ABCA12: variants seen among roughly 807,000 people sequenced by gnomAD.
The protein encoded by ABCA12 is ATP binding cassette subfamily A member 12.
A neutral mutation model predicts 293.5 loss-of-function variants in ABCA12; 156 were observed. The ratio of observed to expected loss-of-function variants is 0.53; its 90% CI spans 0.47 to 0.61. The LOEUF (loss-of-function observed/expected upper bound fraction) is 0.61. ABCA12 is among the 20% of genes least tolerant of loss of function. ABCA12 has a pLI of 0.00. For synonymous variants in ABCA12, 1,063 were observed against 1,108.0 expected (o/e 0.96, Z 0.81); for missense variants, 2,797 against 3,090.2 (o/e 0.91, Z 2.25).
intron 3 of ABCA12, among the ~76,000 whole-genome samples, chr2:215,060,475 C>A (rs1323306672): frequency 1.3e-5 from 2 of 151,920 alleles, no homozygotes; most frequent in Admixed American, 1.3e-4. Context: ...GTTTAAATTA[C>A]ATGTAATTAT....
rs1242587402 is a variant in ABCA12 at position 215,081,478 on chromosome 2, C to CA, written c.164-17260dup. Among the ~76,000 whole-genome samples the CA allele has an allele frequency of 1.9e-3, 33 of 17,444 alleles. 2 individuals are homozygous for CA. The highest frequency in any genetic ancestry group is 8.6e-3 in the East Asian group (3 of 350). 11.4% of individuals were successfully genotyped at this position (17,444 alleles called of 152,430 possible). A position where few individuals can be genotyped will look rare whatever the true frequency, so the allele number is the denominator to read the frequency against. On this transcript the variant is annotated intron_variant, in intron 2 of 52. Transcript: ENST00000272895. ...TGGGCAGCAAAGCAAGACTCTGTCT[C>CA]AAAAAAAAAAAAAAGAAAAAGAAAA...
At chr2:215,069,655 C>G (rs1036273138) in intron 2 of ABCA12, among the ~76,000 whole-genome samples, 1 of 152,114 alleles carries the variant, frequency 6.6e-6, no homozygotes, top group Non-Finnish European at 1.5e-5. Context: ...AGGGATCAGT[C>G]TACTTACTGA....
At chr2:215,030,883 TTTG>T (rs1161142395) in intron 9 of ABCA12, among the ~76,000 whole-genome samples, 5 of 152,200 alleles carry the variant, frequency 3.3e-5, no homozygotes, top group African/African-American at 4.8e-5. Flanking sequence ...AGTAATCCTG[TTTG>T]TTTTTTTATT....
At chr2:215,059,548 T>A (rs974394210) in intron 3 of ABCA12, among the ~76,000 whole-genome samples, 1 of 152,078 alleles carries the variant, frequency 6.6e-6, no homozygotes, top group Non-Finnish European at 1.5e-5. Flanking sequence ...AATATGTTAC[T>A]GTGTCTTAGG....
At chr2:215,001,528 A>C in intron 21 of ABCA12, 30 bp downstream of exon 21, 1 of 1,613,254 alleles carries the variant, frequency 6.2e-7, no homozygotes, top group Non-Finnish European at 8.5e-7. Flanking sequence ...GCACAAAGAG[A>C]TGCTCAAACC....
At chr2:215,029,799 C>T (rs1700833646) in intron 9 of ABCA12, among the ~76,000 whole-genome samples, 2 of 152,162 alleles carry the variant, frequency 1.3e-5, no homozygotes, top group African/African-American at 2.4e-5. Flanking sequence ...CCCAAGAGTG[C>T]TTACCATAAA....
chr2:214,976,490 T>C (rs551727941), intron 33 of ABCA12, among the ~76,000 whole-genome samples: 30 of 152,328 alleles, frequency 2.0e-4, no homozygotes, highest in African/African-American at 7.2e-4. Flanking sequence ...ATCTAACAAT[T>C]TGTTCCTATT....
chr2:215,094,598 T>C lies in ABCA12; in HGVS notation c.163+16999A>G, dbSNP rs1187786710. Among the ~76,000 whole-genome samples the C allele has an allele frequency of 2.6e-5, 4 of 152,174 alleles. No individual in the cohort carries two copies. The East Asian group carries it at 7.7e-4, about 29-fold the overall frequency. ...CTAGCCTGCCTCTTAGAACCTCTCA[T>C]TTCCTTTAAGACGTTTGCCCTGCAT... On this transcript the variant is annotated intron_variant, in intron 2 of 52. Transcript: ENST00000272895.
rs774859194 is a variant in ABCA12, at chr2:215,105,359, G to T, written c.163+6238C>A. Among the ~76,000 whole-genome samples, 27 of 152,076 alleles carry T rather than the reference G, an allele frequency of 1.8e-4. 1 individual carries two copies. Among genetic ancestry groups the T allele is most frequent in the Non-Finnish European group, 2.9e-5 (2 of 68,032 alleles). On this transcript the variant is annotated intron_variant, in intron 2 of 52. Coordinates refer to ENST00000272895, the MANE Select transcript of ABCA12 (RefSeq NM_173076.3). ...GGAAGATAAAAGGACATGCATCAAC[G>T]TGGGAGTGAGAATGAGACGTGTGGA...
At chr2:215,107,353 C>T (rs1172893980) in intron 2 of ABCA12, among the ~76,000 whole-genome samples, 1 of 152,196 alleles carries the variant, frequency 6.6e-6, no homozygotes, top group Non-Finnish European at 1.5e-5. Flanking sequence ...TTGGCTTTAA[C>T]ATTTGCCTCT....
In ABCA12 at chr2:214,983,670, C is replaced by A; in HGVS notation, c.4359G>T (p.Lys1453Asn). 1 of 1,614,058 alleles carries A rather than the reference C, an allele frequency of 6.2e-7. No individual in the cohort carries two copies. The highest frequency in any genetic ancestry group is 8.5e-7 in the Non-Finnish European group (1 of 1,179,990). Residue 1453 changes from lysine to asparagine, a missense_variant, in exon 29 of 53, where the codon AAG becomes AAT. By Grantham distance (94) the Lys-to-Asn change is moderately conservative. Transcript: ENST00000272895. ...GSIKVPHWTK[K>N]QLHEEVKRTL... ...GCCTTTTTACTTCCTCGTGGAGCTG[C>A]TTTTTAGTCCAGTGAGGAACTTTGA...
At chr2:215,075,192 A>G (rs970566438) in intron 2 of ABCA12, among the ~76,000 whole-genome samples, 2 of 152,056 alleles carry the variant, frequency 1.3e-5, no homozygotes, top group South Asian at 2.1e-4. Flanking sequence ...AAGAGGGGGG[A>G]AAATTGAGTA....
intron 2 of ABCA12, among the ~76,000 whole-genome samples, chr2:215,083,673 T>G (rs1313838584): frequency 6.6e-6 from 1 of 152,166 alleles, no homozygotes; most frequent in African/African-American, 2.4e-5. Context: ...TTTACCATCT[T>G]GGTGCTCTCT....
chr2:215,034,129 C>T (rs1471353880), intron 8 of ABCA12, among the ~76,000 whole-genome samples: 1 of 151,954 alleles, frequency 6.6e-6, no homozygotes, highest in Non-Finnish European at 1.5e-5. Context: ...GAGCAAATTC[C>T]AGTGAGTCAC....
chr2:215,020,524 C>G (rs1421032556), intron 11 of ABCA12, among the ~76,000 whole-genome samples: 1 of 151,978 alleles, frequency 6.6e-6, no homozygotes, highest in Non-Finnish European at 1.5e-5. Context: ...TTGTTAGGGG[C>G]TGGGGAAGTA....
chr2:214,958,094 G>A lies in ABCA12; in HGVS notation c.6117+183C>T, dbSNP rs148467803. ...GATATAGTCCACAGAGATGAGGGCC[G>A]GTAGGTTATGTTTCCTCCAACCACT... On this transcript the variant is annotated intron_variant, in intron 41 of 52. Coordinates refer to ENST00000272895, the MANE Select transcript of ABCA12 (RefSeq NM_173076.3). Among the ~76,000 whole-genome samples, 15 of 152,166 alleles carry A rather than the reference G, an allele frequency of 9.9e-5. No homozygotes were observed. The East Asian group carries it at 1.9e-3, about 20-fold the overall frequency.
intron 1 of ABCA12, among the ~76,000 whole-genome samples, chr2:215,123,377 G>T (rs1018885756): frequency 1.4e-4 from 22 of 152,004 alleles, no homozygotes; most frequent in Admixed American, 1.4e-3. Flanking sequence ...CACCATGTTG[G>T]CCAGGCTGGT....
chr2:215,104,438 T>A (rs559394202), intron 2 of ABCA12, among the ~76,000 whole-genome samples: 1 of 152,266 alleles, frequency 6.6e-6, no homozygotes, highest in Admixed American at 6.5e-5. Context: ...CTGGGGGAGA[T>A]GGACCACTGC....
intron 2 of ABCA12, among the ~76,000 whole-genome samples, chr2:215,068,135 C>T (rs957875993): frequency 1.3e-5 from 2 of 152,126 alleles, no homozygotes; most frequent in Non-Finnish European, 1.5e-5. Context: ...CTTGGACCAA[C>T]AACATCAGTG....
Sources: allele counts gnomAD v4.1 joint callset (sites outside exome capture counted in the v4.1 genomes callset), GRCh38; gene constraint gnomAD v4.1.1; transcripts MANE v1.5; gene names NCBI Gene and HGNC (gene_info 2026-07-23, HGNC 2026-07-21).